TNKS: variants seen among roughly 807,000 people sequenced by gnomAD.
The protein encoded by TNKS is tankyrase, also known as poly [ADP-ribose] polymerase tankyrase-1.
In TNKS, 72 loss-of-function variants were observed where a neutral mutation model predicts 135.8. The ratio of observed to expected loss-of-function variants is 0.53; its 90% CI spans 0.44 to 0.64. TNKS has a LOEUF of 0.64. TNKS is among the 30% of genes least tolerant of loss of function. The pLI is 0.00. For synonymous variants in TNKS, 849 were observed against 649.3 expected, an observed-to-expected ratio of 1.31 and a Z score of -4.68; for missense variants, 1,769 against 1,674.0, an observed-to-expected ratio of 1.06 and a Z score of -0.99.
Position 9,580,247 on chromosome 8 carries a change from T to C in TNKS, c.762T>C (p.His254=), listed in dbSNP as rs765095076. Residue 254 remains histidine, a synonymous_variant, in exon 2 of 27, where the codon CAT becomes CAC. Transcript: ENST00000310430. ...ATGATGGAGGTCTCATCCCGCTTCATAATGCCTGTTCTTTTGGCCATGCTG... is the reference window on the plus strand; with the variant it reads ...ATGATGGAGGTCTCATCCCGCTTCACAATGCCTGTTCTTTTGGCCATGCTG... ...ARDDGGLIPL[H]NACSFGHAEV... 4 of 1,614,206 alleles carry C rather than the reference T, an allele frequency of 2.5e-6. No homozygotes were observed. In the South Asian group the frequency reaches 4.4e-5, roughly 18 times the overall value.
At chr8:9,577,231 A>G (rs1219059065) in intron 1 of TNKS, among the ~76,000 whole-genome samples, 1 of 152,198 alleles carries the variant, frequency 6.6e-6, no homozygotes, top group Non-Finnish European at 1.5e-5. Flanking sequence ...TTTTAAATGT[A>G]TACCTATTGA....
chr8:9,660,229 T>A (rs1801629858), intron 3 of TNKS, among the ~76,000 whole-genome samples: 2 of 152,178 alleles, frequency 1.3e-5, no homozygotes, highest in South Asian at 4.1e-4. Flanking sequence ...CCTCCCTAAC[T>A]CATTTTATGA....
intron 1 of TNKS, among the ~76,000 whole-genome samples, chr8:9,571,788 T>C (rs1797768662): frequency 6.6e-6 from 1 of 152,046 alleles, no homozygotes; most frequent in Non-Finnish European, 1.5e-5. Flanking sequence ...CCACTTTTAG[T>C]CTCTATTTCT....
intron 3 of TNKS, among the ~76,000 whole-genome samples, chr8:9,675,704 T>A (rs182010561): frequency 1.3e-5 from 2 of 152,344 alleles, no homozygotes; most frequent in Admixed American, 1.3e-4. Context: ...TACTATTTGT[T>A]ACTCTCTCCT....
At chr8:9,683,145 T>A (rs1312384560) in intron 5 of TNKS, among the ~76,000 whole-genome samples, 2 of 152,040 alleles carry the variant, frequency 1.3e-5, no homozygotes, top group East Asian at 3.8e-4. Flanking sequence ...CGGCACAGAG[T>A]AATTCTTATT....
intron 18 of TNKS, 115 bp downstream of exon 18, chr8:9,748,327 C>A (rs1426025341): frequency 3.1e-6 from 3 of 975,612 alleles, no homozygotes; most frequent in Non-Finnish European, 4.0e-6. Context: ...GAACAGAGAT[C>A]TTCTGAAAAT....
chr8:9,740,136 T>C (rs1805861020), intron 17 of TNKS, among the ~76,000 whole-genome samples: 1 of 149,804 alleles, frequency 6.7e-6, no homozygotes, highest in Non-Finnish European at 1.5e-5. Flanking sequence ...GGAAGAGAGA[T>C]GGATTGCAGT....
intron 26 of TNKS, among the ~76,000 whole-genome samples, chr8:9,772,071 G>A (rs571261510): frequency 1.5e-5 from 2 of 136,882 alleles, no homozygotes; most frequent in East Asian, 2.2e-4. Flanking sequence ...TGGAGGGGGA[G>A]AGAGGGAGAG....
intron 3 of TNKS, among the ~76,000 whole-genome samples, chr8:9,637,927 G>T (rs901101568): frequency 1.3e-5 from 2 of 152,074 alleles, no homozygotes; most frequent in African/African-American, 4.8e-5. Flanking sequence ...ATACTTTAAT[G>T]TGTGCCCTTC....
At chr8:9,581,844 C>CAA (rs777561595) in intron 2 of TNKS, among the ~76,000 whole-genome samples, 12 of 152,114 alleles carry the variant, frequency 7.9e-5, no homozygotes, top group Non-Finnish European at 1.6e-4. Context: ...ATCCCTCTTT[C>CAA]AAAAGTCCAT....
At chr8:9,684,313 G>C (rs1802899338) in intron 5 of TNKS, among the ~76,000 whole-genome samples, 1 of 151,936 alleles carries the variant, frequency 6.6e-6, no homozygotes, top group South Asian at 2.1e-4. Context: ...GGCCTTGTTT[G>C]ATATCTAAAT....
intron 2 of TNKS, among the ~76,000 whole-genome samples, chr8:9,588,996 T>C (rs983258724): frequency 1.3e-4 from 20 of 152,190 alleles, no homozygotes; most frequent in African/African-American, 4.8e-4. Context: ...ATGGATATTA[T>C]TGTCATAGAT....
At chr8:9,567,751 G>T (rs1218403245) in intron 1 of TNKS, among the ~76,000 whole-genome samples, 1 of 152,158 alleles carries the variant, frequency 6.6e-6, no homozygotes, top group Non-Finnish European at 1.5e-5. Flanking sequence ...ATATAGAGTT[G>T]TTAGAAAATC....
intron 2 of TNKS, among the ~76,000 whole-genome samples, chr8:9,584,024 C>A (rs1051066728): frequency 2.0e-5 from 3 of 151,250 alleles, no homozygotes; most frequent in Non-Finnish European, 4.4e-5. Context: ...ATTAGCCGGG[C>A]GTGGTGGTGG....
At chr8:9,696,623 T>C (rs1436256912) in intron 5 of TNKS, among the ~76,000 whole-genome samples, 1 of 152,174 alleles carries the variant, frequency 6.6e-6, no homozygotes, top group Non-Finnish European at 1.5e-5. Context: ...AAAATCCATG[T>C]ACAAAAATCA....
intron 13 of TNKS, among the ~76,000 whole-genome samples, chr8:9,729,477 C>G (rs566115986): frequency 6.6e-6 from 1 of 152,154 alleles, no homozygotes; most frequent in African/African-American, 2.4e-5. Flanking sequence ...GCTTCATTTG[C>G]TTTTTCTGTT....
intron 2 of TNKS, among the ~76,000 whole-genome samples, chr8:9,611,944 G>T (rs771232173): frequency 6.6e-6 from 1 of 152,162 alleles, no homozygotes; most frequent in East Asian, 1.9e-4. Context: ...GATTCAGAGG[G>T]TGGGAGAAGA....
chr8:9,697,561 A>C (rs900606999), intron 5 of TNKS, among the ~76,000 whole-genome samples: 15 of 152,324 alleles, frequency 9.8e-5, no homozygotes, highest in Non-Finnish European at 1.9e-4. Flanking sequence ...ACAAAGGTCT[A>C]ATATCCAGGA....
At chr8:9,703,544 T>A (rs1165343577) in intron 5 of TNKS, among the ~76,000 whole-genome samples, 3 of 152,196 alleles carry the variant, frequency 2.0e-5, no homozygotes, top group Non-Finnish European at 4.4e-5. Context: ...ACTCTTCTAA[T>A]CTGAATGGTC....
Sources: gnomAD v4.1 joint callset for allele counts (sites outside exome capture counted in the v4.1 genomes callset) on GRCh38, gnomAD v4.1.1 for gene constraint, MANE v1.5 for transcripts, NCBI Gene and HGNC (gene_info 2026-07-23, HGNC 2026-07-21) for gene names.